Variants in RAI1 observed in about 807,000 individuals in gnomAD.
RAI1 encodes retinoic acid-induced protein 1.
Under a neutral mutation model 123.8 loss-of-function variants are expected in RAI1, and 9 were observed. The observed-to-expected ratio is 0.07, with a 90% CI of 0.04 to 0.13. RAI1 has a LOEUF of 0.13. Among genes scored for constraint, RAI1 ranks in the 10% least tolerant of loss-of-function variants. RAI1 has a pLI of 1.00. For synonymous variants in RAI1, 1,231 were observed against 1,127.3 expected (o/e 1.09, Z -1.84); for missense variants, 2,256 against 2,545.8 (o/e 0.89, Z 2.45).
At position 17,811,438 on chromosome 17, in the gene RAI1, C is replaced by G. The variant is rs1206903047; in HGVS notation, c.*1457C>G. On this transcript the variant is annotated 3_prime_UTR_variant, in exon 6 of 6. Transcript: ENST00000353383. Reference sequence around the variant, plus strand: ...AAAAAAAAAGTCAATAAAGATACAACGATTGTTTTGGAAAATCTGCAGCCC... The same window carrying G: ...AAAAAAAAAGTCAATAAAGATACAAGGATTGTTTTGGAAAATCTGCAGCCC... The G allele has an allele frequency of 5.0e-6, 1 of 200,836 alleles. No individual in the cohort carries two copies. The highest frequency in any genetic ancestry group is 4.9e-5 in the South Asian group (1 of 20,296). 12.4% of individuals were successfully genotyped at this position (200,836 alleles called of 1,614,324 possible).
rs201225746 is a variant in RAI1, at chr17:17,794,953, G to A, written c.2005G>A (p.Asp669Asn). The A allele has an allele frequency of 1.7e-5, 27 of 1,613,770 alleles. No homozygotes were observed. The highest frequency in any genetic ancestry group is 9.3e-5 in the African/African-American group (7 of 75,078). ...GCCTGGGGAGCCGGAGGCCCTGCCC[G>A]ACTCCTTGCAGCTGGACAAGGGCGG... The part of the protein sequence containing the change: ...PRPGEPEALP[D>N]SLQLDKGGNA... The change falls in exon 3 of 6, where the codon GAC becomes AAC. Residue 669 changes from aspartate (D) to asparagine (N), a missense_variant. Asp to Asn is a conservative substitution (Grantham distance 23, BLOSUM62 1). Coordinates refer to ENST00000353383, the MANE Select transcript of RAI1 (RefSeq NM_030665.4).
At chr17:17,804,247 AC>A in intron 4 of RAI1, 1 of 316,634 alleles carries the variant, frequency 3.2e-6, no homozygotes, top group Non-Finnish European at 6.2e-6. Context: ...GAAAGGCACT[AC>A]TACAACAGCA....
chr17:17,709,592 T>G lies in RAI1; in HGVS notation c.-148-14436T>G, dbSNP rs145571649. On this transcript the variant is annotated intron_variant, in intron 1 of 5. Transcript: ENST00000353383. ...TGGGCAGCTGCCCACTAGGTCTCTT[T>G]CCTTCCCTTCCCTGGGTCTGCCCCC... 3.0e-4 allele frequency among the ~76,000 whole-genome samples: 46 copies of G among 152,276 alleles called. No individual in the cohort carries two copies. In the East Asian group the frequency reaches 5.0e-3, roughly 17 times the overall value.
intron 2 of RAI1, among the ~76,000 whole-genome samples, chr17:17,780,074 C>CTTTTTTTTTTTTT (rs1555563206): frequency 5.2e-5 from 4 of 76,902 alleles, no homozygotes; most frequent in African/African-American, 1.5e-4. Context: ...TCCACCCAGG[C>CTTTTTTTTTTTTT]TTTTTTTTAA....
chr17:17,754,191 C>CTTTTTTTTTTTTTTTTTTTTTTT (rs1158475382), intron 2 of RAI1, among the ~76,000 whole-genome samples: 1 of 75,720 alleles, frequency 1.3e-5, no homozygotes, highest in South Asian at 4.7e-4. Flanking sequence ...CTAACCCAAT[C>CTTTTTTTTTTTTTTTTTTTTTTT]TTTTTTTTTT....
At chr17:17,694,173 G>T (rs944983773) in intron 1 of RAI1, among the ~76,000 whole-genome samples, 1 of 152,172 alleles carries the variant, frequency 6.6e-6, no homozygotes, top group Non-Finnish European at 1.5e-5. Flanking sequence ...GCTTAGATCT[G>T]TGGGCACTTT....
Position 17,797,765 on chromosome 17 carries a change from C to T in RAI1, c.4817C>T (p.Ala1606Val), listed in dbSNP as rs771535517. 1.5e-5 allele frequency: 25 copies of T among 1,613,982 alleles called. No individual in the cohort carries two copies. The highest frequency in any genetic ancestry group is 2.2e-5 in the South Asian group (2 of 91,088). ...SPFVRVEKRD[A>V]FTTICTVVNS... The stretch of plus-strand genomic sequence containing the variant: ...TTCGTGCGGGTGGAGAAGCGAGACG[C>T]GTTCACCACCATATGCACTGTTGTC... Residue 1606 changes from alanine to valine, a missense_variant, in exon 3 of 6, where the codon GCG becomes GTG. Transcript: ENST00000353383.
At position 17,685,688 on chromosome 17, in the gene RAI1, G is replaced by A. The variant is rs560504543; in HGVS notation, c.-149+3895G>A. Among the ~76,000 whole-genome samples the A allele has an allele frequency of 3.9e-5, 6 of 152,226 alleles. No individual in the cohort carries two copies. In the East Asian group the frequency reaches 9.7e-4, roughly 24 times the overall value. ...GGCCAGCAGCACTGTCAGAGCGATC[G>A]TTCTAAACCCAGCAGATAACCTCCA... On this transcript the variant is annotated intron_variant, in intron 1 of 5. Coordinates refer to ENST00000353383, the MANE Select transcript of RAI1 (RefSeq NM_030665.4). The surrounding 1 kb of genome is among the most constrained non-coding windows in gnomAD (Gnocchi z 4.0).
At chr17:17,704,831 G>A (rs1264965658) in intron 1 of RAI1, among the ~76,000 whole-genome samples, 2 of 144,414 alleles carry the variant, frequency 1.4e-5, no homozygotes, top group African/African-American at 5.3e-5. Context: ...TCCCAAGCCC[G>A]TGGGGAAATT....
intron 1 of RAI1, among the ~76,000 whole-genome samples, chr17:17,690,949 A>G (rs192256119): frequency 4.6e-5 from 7 of 152,336 alleles, no homozygotes; most frequent in East Asian, 1.9e-4. Flanking sequence ...GCAAATAGCT[A>G]TGGGCAAACA....
Position 17,797,749 on chromosome 17 carries a change from G to T in RAI1, c.4801G>T (p.Val1601Leu). The change falls in exon 3 of 6, where the codon GTG becomes TTG. Residue 1601 changes from valine to leucine, a missense_variant. By Grantham distance (32) the Val-to-Leu change is conservative. Around this residue, in one of 7 missense-constraint regions of RAI1, gnomAD observed 410 missense variants for 374.6 expected, o/e 1.09. Transcript: ENST00000353383. The stretch of plus-strand genomic sequence containing the variant: ...CCCCGCCTTCTCACCCTTCGTGCGG[G>T]TGGAGAAGCGAGACGCGTTCACCAC... ...RTPAFSPFVRVEKRDAFTTIC... is the reference protein window; with the variant it reads ...RTPAFSPFVRLEKRDAFTTIC... 6.2e-7 allele frequency: 1 copy of T among 1,614,040 alleles called. No individual in the cohort carries two copies. Among genetic ancestry groups the T allele is most frequent in the Non-Finnish European group, 8.5e-7 (1 of 1,179,988 alleles).
intron 2 of RAI1, among the ~76,000 whole-genome samples, 151 bp from the exon 3 acceptor site, chr17:17,792,781 CG>C (rs1403726071): frequency 1.6e-4 from 3 of 18,420 alleles, no homozygotes; most frequent in Non-Finnish European, 3.0e-4. Context: ...AAGAGCTGCG[CG>C]GGGGAGCAGG....
rs756724031 is a variant in RAI1, at chr17:17,798,322, G to A, written c.5374G>A (p.Gly1792Arg). Residue 1792 changes from glycine to arginine, a missense_variant, in exon 3 of 6, where the codon GGG becomes AGG. This residue lies in a region of RAI1 where 243 missense variants were observed against 316.6 expected (regional missense o/e 0.77). Coordinates refer to ENST00000353383, the MANE Select transcript of RAI1 (RefSeq NM_030665.4). ...CTACTGCTGTGATGGCCGGGAGGAT[G>A]GGGGCGAGGAGGCAGCCCCAGCCGA... is the stretch of plus-strand genomic sequence containing the variant. ...SCYCCDGRED[G>R]GEEAAPADKG... The A allele has an allele frequency of 1.4e-5, 22 of 1,597,560 alleles. No homozygotes were observed. The highest frequency in any genetic ancestry group is 1.7e-5 in the Admixed American group (1 of 58,106).
At chr17:17,767,899 G>A (rs1017213983) in intron 2 of RAI1, among the ~76,000 whole-genome samples, 4 of 152,230 alleles carry the variant, frequency 2.6e-5, no homozygotes, top group African/African-American at 9.6e-5. Context: ...GGTAAGCTCA[G>A]AAACGTGGGC....
intron 2 of RAI1, among the ~76,000 whole-genome samples, chr17:17,742,291 G>A (rs979916407): frequency 7.2e-5 from 11 of 152,260 alleles, no homozygotes; most frequent in Admixed American, 3.9e-4. Flanking sequence ...ACCACAGACA[G>A]GGCTGGCAGA....
intron 2 of RAI1, among the ~76,000 whole-genome samples, chr17:17,729,372 A>G (rs978653319): frequency 1.3e-5 from 2 of 152,160 alleles, no homozygotes; most frequent in African/African-American, 2.4e-5. Context: ...GGGGTTCACA[A>G]GCGTGGCAGA....
chr17:17,769,469 G>A (rs1441945400), intron 2 of RAI1, among the ~76,000 whole-genome samples: 1 of 152,252 alleles, frequency 6.6e-6, no homozygotes, highest in African/African-American at 2.4e-5. Flanking sequence ...TGAGGTCAGG[G>A]CTGGAGGAGC....
At chr17:17,729,751 T>A (rs1301483691) in intron 2 of RAI1, among the ~76,000 whole-genome samples, 2 of 152,074 alleles carry the variant, frequency 1.3e-5, no homozygotes, top group African/African-American at 4.8e-5. Context: ...AGGCCTTGGG[T>A]TTGCTGGCTT....
At chr17:17,690,289 A>G in intron 1 of RAI1, among the ~76,000 whole-genome samples, 1 of 151,740 alleles carries the variant, frequency 6.6e-6, no homozygotes, top group East Asian at 1.9e-4. Flanking sequence ...CAGGAGGCTG[A>G]GGCAGGAGAA....
Sources: gnomAD v4.1 joint callset for allele counts (sites outside exome capture counted in the v4.1 genomes callset) on GRCh38, gnomAD v4.1.1 for gene constraint, gnomAD v4.1.1 regional missense constraint, Gnocchi (gnomAD v3.1) non-coding constraint, MANE v1.5 for transcripts, NCBI Gene and HGNC (gene_info 2026-07-23, HGNC 2026-07-21) for gene names.